The following AMBRA1 variants were observed in gnomAD, a reference collection of about 807,000 sequenced individuals.
AMBRA1 encodes activating molecule in BECN1-regulated autophagy protein 1.
A neutral mutation model predicts 125.4 loss-of-function variants in AMBRA1; 47 were observed. The ratio of observed to expected loss-of-function variants is 0.37; its 90% CI spans 0.30 to 0.48. The LOEUF is 0.48. Among genes scored for constraint, AMBRA1 ranks in the 20% least tolerant of loss-of-function variants. The pLI is 0.99. For synonymous variants in AMBRA1, 626 were observed against 655.5 expected, an observed-to-expected ratio of 0.95 and a Z score of 0.69; for missense variants, 1,331 against 1,693.4, an observed-to-expected ratio of 0.79 and a Z score of 3.76.
chr11:46,420,374 A>G (rs1353937736), intron 14 of AMBRA1, among the ~76,000 whole-genome samples: 3 of 152,178 alleles, frequency 2.0e-5, no homozygotes, highest in Non-Finnish European at 4.4e-5. Flanking sequence ...AGGAGTCTCA[A>G]ACAAATTCAT....
At chr11:46,525,425 C>T (rs1951925713) in intron 7 of AMBRA1, among the ~76,000 whole-genome samples, 1 of 151,956 alleles carries the variant, frequency 6.6e-6, no homozygotes, top group Admixed American at 6.6e-5. Flanking sequence ...TGGCAAAACC[C>T]TGTCTCTACT....
At chr11:46,454,478 G>A (rs958564352) in intron 11 of AMBRA1, among the ~76,000 whole-genome samples, 6 of 148,292 alleles carry the variant, frequency 4.0e-5, no homozygotes, top group Non-Finnish European at 8.9e-5. Context: ...GCTCACGCCT[G>A]TAATCCCAGC....
At chr11:46,521,219 G>A (rs1326549730) in intron 7 of AMBRA1, among the ~76,000 whole-genome samples, 5 of 152,226 alleles carry the variant, frequency 3.3e-5, no homozygotes, top group Non-Finnish European at 7.3e-5. Flanking sequence ...TTCAGAAACT[G>A]CTTACATCAC....
chr11:46,459,851 A>G (rs747693763), intron 11 of AMBRA1, among the ~76,000 whole-genome samples: 1 of 152,094 alleles, frequency 6.6e-6, no homozygotes, highest in Non-Finnish European at 1.5e-5. Flanking sequence ...ATATACATTT[A>G]CTTATTCCAT....
intron 7 of AMBRA1, among the ~76,000 whole-genome samples, chr11:46,525,220 G>A (rs1053840838): frequency 3.9e-5 from 6 of 152,268 alleles, no homozygotes; most frequent in Non-Finnish European, 5.9e-5. Flanking sequence ...AGGATTCCTT[G>A]GGCCATGGAC....
At chr11:46,452,455 C>T (rs1565174078) in intron 11 of AMBRA1, among the ~76,000 whole-genome samples, 2 of 152,084 alleles carry the variant, frequency 1.3e-5, no homozygotes. Context: ...GTAACTAGGA[C>T]AACAGGCACA....
chr11:46,469,179 T>C (rs570387565), intron 11 of AMBRA1, among the ~76,000 whole-genome samples: 3 of 152,266 alleles, frequency 2.0e-5, no homozygotes, highest in African/African-American at 4.8e-5. Flanking sequence ...AAATATTAGA[T>C]TTAGTTAGTT....
rs151148685 is a variant in AMBRA1, at chr11:46,434,191, G to A, written c.2822-563C>T. 5.0e-4 allele frequency among the ~76,000 whole-genome samples: 72 copies of A among 145,214 alleles called. No homozygotes were observed. The East Asian group carries it at 0.014, about 29-fold the overall frequency. On this transcript the variant is annotated intron_variant, in intron 13 of 17. Coordinates refer to ENST00000683756, the MANE Select transcript of AMBRA1 (RefSeq NM_001387011.1). ...GTTGTTATCAACATTTTAAAAAATT[G>A]TTAACATCCTGTAATTACTATTTTG...
intron 1 of AMBRA1, among the ~76,000 whole-genome samples, chr11:46,583,652 CA>C (rs1398623719): frequency 0.13 from 1,639 of 12,544 alleles, 177 homozygotes; most frequent in African/African-American, 0.31. Flanking sequence ...AACAAATTTC[CA>C]AAAAAAAAAA....
At chr11:46,569,008 T>C (rs1291276854) in intron 1 of AMBRA1, among the ~76,000 whole-genome samples, 2 of 151,582 alleles carry the variant, frequency 1.3e-5, no homozygotes, top group Admixed American at 6.6e-5. Context: ...GGTTTTGCCA[T>C]GTTGGCCAGG....
intron 1 of AMBRA1, among the ~76,000 whole-genome samples, chr11:46,560,151 TAC>T (rs1433921106): frequency 6.6e-6 from 1 of 152,234 alleles, no homozygotes; most frequent in Admixed American, 6.5e-5. Flanking sequence ...ATTAAAATTA[TAC>T]ACAGTCCCTT....
intron 17 of AMBRA1, among the ~76,000 whole-genome samples, chr11:46,403,062 T>C (rs944615831): frequency 6.6e-6 from 1 of 152,214 alleles, no homozygotes; most frequent in Non-Finnish European, 1.5e-5. Flanking sequence ...AGCAAAAGCA[T>C]CTGTTTTTGT....
chr11:46,547,588 T>C (rs531674634), intron 3 of AMBRA1, among the ~76,000 whole-genome samples: 3 of 152,348 alleles, frequency 2.0e-5, no homozygotes, highest in African/African-American at 4.8e-5. Flanking sequence ...ATGATTGTTA[T>C]TGAGAAACTT....
At chr11:46,525,109 G>C (rs964069219) in intron 7 of AMBRA1, among the ~76,000 whole-genome samples, 1 of 151,898 alleles carries the variant, frequency 6.6e-6, no homozygotes, top group Non-Finnish European at 1.5e-5. Context: ...AGACCAGCTC[G>C]GGCAACCATA....
chr11:46,418,449 G>A (rs1380889625), intron 14 of AMBRA1, among the ~76,000 whole-genome samples: 3 of 149,070 alleles, frequency 2.0e-5, no homozygotes, highest in Non-Finnish European at 4.4e-5. Context: ...TGTGCACAAC[G>A]TGCAGGTTTG....
chr11:46,520,163 G>T (rs1264495931), intron 7 of AMBRA1, among the ~76,000 whole-genome samples: 1 of 149,390 alleles, frequency 6.7e-6, no homozygotes, highest in Non-Finnish European at 1.5e-5. Flanking sequence ...AAAAAATTAC[G>T]AGGCTCCTAA....
intron 14 of AMBRA1, among the ~76,000 whole-genome samples, chr11:46,428,053 C>A (rs1034288850): frequency 6.6e-6 from 1 of 151,546 alleles, no homozygotes; most frequent in Non-Finnish European, 1.5e-5. Context: ...GCTTTCCTTC[C>A]CTGCTGCCTG....
intron 9 of AMBRA1, among the ~76,000 whole-genome samples, chr11:46,501,079 C>T (rs141143617): frequency 6.0e-4 from 91 of 152,330 alleles, no homozygotes; most frequent in Admixed American, 9.1e-4. Flanking sequence ...CACCTATCAA[C>T]AAAGCAATTC....
chr11:46,441,858 T>C (rs1268982413), intron 12 of AMBRA1, among the ~76,000 whole-genome samples: 1 of 150,938 alleles, frequency 6.6e-6, no homozygotes, highest in Non-Finnish European at 1.5e-5. Flanking sequence ...CAGAGTACTG[T>C]CACTTGAAAG....
Sources: gnomAD v4.1 joint callset for allele counts (sites outside exome capture counted in the v4.1 genomes callset) on GRCh38, gnomAD v4.1.1 for gene constraint, MANE v1.5 for transcripts, NCBI Gene and HGNC (gene_info 2026-07-23, HGNC 2026-07-21) for gene names.